RAB3IP: variants seen among roughly 807,000 people sequenced by gnomAD.
RAB3IP encodes RAB3A interacting protein.
A neutral mutation model predicts 59.1 loss-of-function variants in RAB3IP; 36 were observed. That is an observed-to-expected ratio of 0.61 (90% CI 0.47 to 0.80). The LOEUF is 0.80. Ranked by LOEUF, RAB3IP falls within the 30% of genes least tolerant of loss-of-function variation. The pLI is 0.00. For synonymous variants in RAB3IP, 207 were observed against 191.2 expected (o/e 1.08, Z -0.68); for missense variants, 511 against 536.0 (o/e 0.95, Z 0.46).
chr12:69,741,900 AT>A (rs1287187632), intron 1 of RAB3IP, among the ~76,000 whole-genome samples: 2 of 152,204 alleles, frequency 1.3e-5, no homozygotes, highest in East Asian at 3.8e-4. Context: ...CTTTTATGAG[AT>A]ACGTAATGTT....
At chr12:69,773,292 A>G in intron 3 of RAB3IP, among the ~76,000 whole-genome samples, 1 of 150,600 alleles carries the variant, frequency 6.6e-6, no homozygotes, top group African/African-American at 2.4e-5. Context: ...TAGGTTGAAT[A>G]TGATTAGTGA....
At chr12:69,784,439 ATATATAT>A (rs1462357885) in intron 3 of RAB3IP, among the ~76,000 whole-genome samples, 8 of 149,766 alleles carry the variant, frequency 5.3e-5, no homozygotes, top group East Asian at 1.9e-4. Flanking sequence ...TTCACCTGTA[ATATATAT>A]TATATATAGT....
intron 8 of RAB3IP, among the ~76,000 whole-genome samples, chr12:69,804,864 T>A (rs1484985817): frequency 6.6e-6 from 1 of 152,162 alleles, no homozygotes; most frequent in Non-Finnish European, 1.5e-5. Flanking sequence ...TATCTCTGTT[T>A]TGGTACCAGT....
At chr12:69,773,381 T>C (rs1212733729) in intron 3 of RAB3IP, among the ~76,000 whole-genome samples, 2 of 149,330 alleles carry the variant, frequency 1.3e-5, no homozygotes, top group East Asian at 1.9e-4. Context: ...TGGATACGCC[T>C]TCTACCCATT....
At chr12:69,782,373 C>T (rs148000628) in intron 3 of RAB3IP, among the ~76,000 whole-genome samples, 115 of 152,320 alleles carry the variant, frequency 7.5e-4, no homozygotes, top group African/African-American at 2.4e-3. Flanking sequence ...CCATGTTGAT[C>T]AAGCTGGTCT....
chr12:69,761,423 A>G (rs1351917161), intron 3 of RAB3IP, among the ~76,000 whole-genome samples: 3 of 152,148 alleles, frequency 2.0e-5, no homozygotes, highest in Non-Finnish European at 2.9e-5. Context: ...AAATGCTTCA[A>G]ATTGTTGATC....
At chr12:69,785,042 A>C (rs1357750455) in intron 4 of RAB3IP, 1 of 282,766 alleles carries the variant, frequency 3.5e-6, no homozygotes, top group Non-Finnish European at 6.6e-6. Context: ...TTAAAAATGT[A>C]TGTGTGCAAA....
In RAB3IP at chr12:69,801,710, C is replaced by T. The variant is rs759943167; in HGVS notation, c.1119C>T (p.Cys373=). ...IRFVKASAVE[C]GGPKKCALTG... is the part of the protein sequence containing the mutation. Reference sequence around the variant, plus strand: ...TTGTGAAAGCTTCTGCAGTTGAATGCGGAGGACCAAAGTAGGTTTTTACGT... The same window carrying T: ...TTGTGAAAGCTTCTGCAGTTGAATGTGGAGGACCAAAGTAGGTTTTTACGT... Residue 373 remains cysteine, a synonymous_variant, in exon 8 of 11, where the codon TGC becomes TGT. Coordinates refer to ENST00000247833, the MANE Select transcript of RAB3IP (RefSeq NM_022456.5). 6 of 1,607,118 alleles carry T rather than the reference C, an allele frequency of 3.7e-6. No individual in the cohort carries two copies. In the East Asian group the frequency reaches 6.7e-5, roughly 18 times the overall value.
chr12:69,751,976 C>T (rs1448644840), intron 1 of RAB3IP, among the ~76,000 whole-genome samples: 2 of 150,298 alleles, frequency 1.3e-5, no homozygotes, highest in South Asian at 2.1e-4. Context: ...TATAGGTAAC[C>T]ATTTTGCCTG....
In RAB3IP at chr12:69,795,212, G is replaced by A. The variant is rs150996361; in HGVS notation, c.756G>A (p.Thr252=). Residue 252 remains threonine (T), a synonymous_variant, in exon 6 of 11, where the codon ACG becomes ACA. Transcript: ENST00000247833. ...TGTCCAGTTCTCCAACATCACCTAC[G>A]CAGGAGCCTTTGCCAGGTGGAAAGA... ...LVLSSSPTSP[T]QEPLPGGKTP... is the part of the protein sequence containing the mutation. 13 of 1,613,866 alleles carry A rather than the reference G, an allele frequency of 8.1e-6. No individual in the cohort carries two copies. In the African/African-American group the frequency reaches 1.1e-4, roughly 13 times the overall value.
intron 1 of RAB3IP, among the ~76,000 whole-genome samples, chr12:69,740,056 T>C (rs771335365): frequency 6.6e-6 from 1 of 152,146 alleles, no homozygotes; most frequent in African/African-American, 2.4e-5. Context: ...ATTGCATAAT[T>C]GGAGGAGGGG....
intron 3 of RAB3IP, among the ~76,000 whole-genome samples, chr12:69,776,105 T>C (rs1873882026): frequency 1.3e-4 from 1 of 7,624 alleles, no homozygotes; most frequent in Non-Finnish European, 3.1e-4. Flanking sequence ...GTTATTGGTC[T>C]ATTCAGAGAT....
chr12:69,812,718 C>A, intron 8 of RAB3IP, 60 bp from the exon 9 acceptor site: 2 of 1,131,768 alleles, frequency 1.8e-6, no homozygotes, highest in Non-Finnish European at 2.6e-6. Context: ...GCAACTTGTA[C>A]AGAAGGTAGG....
chr12:69,813,750 T>C (rs1880792368), intron 10 of RAB3IP, among the ~76,000 whole-genome samples: 1 of 152,242 alleles, frequency 6.6e-6, no homozygotes, highest in South Asian at 2.1e-4. Context: ...CCAGTTAGTA[T>C]TTAAAGTTTT....
intron 8 of RAB3IP, among the ~76,000 whole-genome samples, chr12:69,806,570 G>GTTTTTTTTTTTT (rs35262716): frequency 4.4e-4 from 30 of 68,458 alleles, no homozygotes; most frequent in East Asian, 8.2e-4. Context: ...TGCTTCTCTA[G>GTTTTTTTTTTTT]TTTTTTTTTT....
At chr12:69,761,058 A>C (rs570203455) in intron 3 of RAB3IP, among the ~76,000 whole-genome samples, 1 of 152,074 alleles carries the variant, frequency 6.6e-6, no homozygotes, top group African/African-American at 2.4e-5. Context: ...AACTTATCTC[A>C]CAGCTTGCTG....
At chr12:69,803,471 T>G (rs2136253531) in intron 8 of RAB3IP, among the ~76,000 whole-genome samples, 1 of 152,004 alleles carries the variant, frequency 6.6e-6, no homozygotes, top group Middle Eastern at 3.4e-3. Context: ...GGAAGAGAGA[T>G]TTGGTTTAAG....
chr12:69,752,971 CACCTT>C (rs1191029247), intron 1 of RAB3IP, among the ~76,000 whole-genome samples: 2 of 152,114 alleles, frequency 1.3e-5, no homozygotes, highest in Non-Finnish European at 2.9e-5. Context: ...GAGTATTAAA[CACCTT>C]ACATTCCTTA....
intron 6 of RAB3IP, among the ~76,000 whole-genome samples, chr12:69,799,547 G>A (rs892851676): frequency 1.3e-5 from 2 of 152,126 alleles, no homozygotes; most frequent in African/African-American, 4.8e-5. Context: ...GTTACTGGGT[G>A]CCAAAAATAT....
Sources: gnomAD v4.1 joint callset for allele counts (sites outside exome capture counted in the v4.1 genomes callset) on GRCh38, gnomAD v4.1.1 for gene constraint, MANE v1.5 for transcripts, NCBI Gene and HGNC (gene_info 2026-07-23, HGNC 2026-07-21) for gene names.